The following ZNF571 variants were observed in gnomAD, a reference collection of about 807,000 sequenced individuals.
ZNF571 encodes zinc finger protein 571.
ZNF571 carries 4 observed loss-of-function variants against 7.7 expected under a neutral mutation model. The ratio of observed to expected loss-of-function variants is 0.52; its 90% confidence interval spans 0.25 to 1.18. The LOEUF (loss-of-function observed/expected upper bound fraction) is 1.18. Among genes scored for constraint, ZNF571 ranks in the 50% most tolerant of loss-of-function variants. ZNF571 has a pLI of 0.14. For synonymous variants in ZNF571, 251 were observed against 232.4 expected (o/e 1.08, Z -0.73); for missense variants, 704 against 726.9 (o/e 0.97, Z 0.36).
At position 37,565,267 on chromosome 19, in the gene ZNF571, A is replaced by C. The variant is rs1480639006; in HGVS notation, c.1161T>G (p.Gly387=). 1 of 1,611,346 alleles carries C rather than the reference A, an allele frequency of 6.2e-7. No homozygotes were observed. The highest frequency in any genetic ancestry group is 1.3e-5 in the African/African-American group (1 of 74,668). The change falls in exon 4 of 4, where the codon GGT becomes GGG. Residue 387 remains glycine (G), a synonymous_variant. Coordinates refer to ENST00000451802, the MANE Select transcript of ZNF571 (RefSeq NM_016536.5). ...QLTYHLRVHS[G]ERPYKCKECG... ...ATTCTTTGCATTTATAAGGTCTCTC[A>C]CCTGAATGAACTCTCAGGTGGTAAG...
In ZNF571 at chr19:37,581,856, AGGGTGAACCAGG is replaced by A. The variant is rs1177296677; in HGVS notation, c.136+2103_136+2114del. On this transcript the variant is annotated intron_variant, in intron 3 of 3. Transcript: ENST00000451802. ...TCACCCTGCAGTGGACAGGAGCTGC[AGGGTGAACCAGG>A]AGAATGGCAAAACTTCTCAAGAGGT... Among the ~76,000 whole-genome samples the A allele has an allele frequency of 3.7e-3, 556 of 151,956 alleles. 2 individuals carry two copies. The highest frequency in any genetic ancestry group is 3.4e-3 in the Non-Finnish European group (233 of 67,978).
intron 1 of ZNF571, among the ~76,000 whole-genome samples, chr19:37,588,955 T>C (rs970087361): frequency 1.2e-4 from 18 of 152,196 alleles, no homozygotes; most frequent in Admixed American, 1.1e-3. Context: ...ATCCCAGCAC[T>C]TTGGGAGGCT....
In ZNF571 at chr19:37,564,260, G is replaced by A. The variant is rs111316372; in HGVS notation, c.*338C>T. 5.6e-3 allele frequency: 970 copies of A among 174,084 alleles called. 11 individuals carry two copies. The highest frequency in any genetic ancestry group is 0.021 in the African/African-American group (908 of 42,412). The allele number at this position is 174,084 out of a possible 1,614,324, so 10.8% of individuals were successfully genotyped here. ...TTAACAACAAATATCAGATGCTATC[G>A]AAAGGGAATTATATGTATTTAATTA... On this transcript the variant is annotated 3_prime_UTR_variant, in exon 4 of 4. Coordinates refer to ENST00000451802, the MANE Select transcript of ZNF571 (RefSeq NM_016536.5).
intron 3 of ZNF571, among the ~76,000 whole-genome samples, chr19:37,581,790 A>G (rs557059928): frequency 1.4e-4 from 12 of 84,214 alleles, no homozygotes; most frequent in African/African-American, 3.3e-4. Context: ...TTCTCCTGTG[A>G]AAAAAAAACA....
chr19:37,565,511 G>A lies in ZNF571; in HGVS notation c.917C>T (p.Pro306Leu). The A allele has an allele frequency of 3.7e-6, 6 of 1,613,742 alleles. No individual in the cohort carries two copies. Among genetic ancestry groups the A allele is most frequent in the Non-Finnish European group, 4.2e-6 (5 of 1,179,868 alleles). ...CTTTCCACATTCCTTACACTCATAA[G>A]GTTTCTCACCACTATGAATTCTCTG... ...YHQRIHSGEK[P>L]YECKECGKAF... is the part of the protein sequence containing the mutation. Residue 306 changes from proline (P) to leucine (L), a missense_variant, in exon 4 of 4, where the codon CCT becomes CTT. Pro to Leu is a moderately conservative substitution (Grantham distance 98). Coordinates refer to ENST00000451802, the MANE Select transcript of ZNF571 (RefSeq NM_016536.5).
chr19:37,570,518 T>C (rs1391795180), intron 3 of ZNF571, among the ~76,000 whole-genome samples: 3 of 152,334 alleles, frequency 2.0e-5, no homozygotes, highest in Admixed American at 2.0e-4. Flanking sequence ...TCTACAAATA[T>C]TCCTAATCAT....
At chr19:37,585,836 T>C (rs1039537200) in intron 2 of ZNF571, 1 of 152,128 alleles carries the variant, frequency 6.6e-6, no homozygotes, top group Non-Finnish European at 1.5e-5. Context: ...TTGGGCCCAA[T>C]GTATTTGTAA....
intron 1 of ZNF571, among the ~76,000 whole-genome samples, chr19:37,592,643 CTGT>C (rs2043900958): frequency 6.6e-6 from 1 of 152,208 alleles, no homozygotes; most frequent in African/African-American, 2.4e-5. Flanking sequence ...GGACATCAGA[CTGT>C]AAGGGCCTCA....
chr19:37,590,755 CAAAAT>C (rs2043846290), intron 1 of ZNF571, among the ~76,000 whole-genome samples: 1 of 151,914 alleles, frequency 6.6e-6, no homozygotes, highest in Non-Finnish European at 1.5e-5. Flanking sequence ...AATATTATAT[CAAAAT>C]AAAAATTTTA....
chr19:37,593,823 G>A (rs1462614691), intron 1 of ZNF571, among the ~76,000 whole-genome samples: 1 of 152,164 alleles, frequency 6.6e-6, no homozygotes, highest in African/African-American at 2.4e-5. Context: ...CATCCCCGCA[G>A]CATCATTTAT....
intron 3 of ZNF571, among the ~76,000 whole-genome samples, chr19:37,568,801 A>G (rs1037159609): frequency 2.0e-5 from 3 of 152,192 alleles, no homozygotes; most frequent in Non-Finnish European, 4.4e-5. Flanking sequence ...AGGGGTGATG[A>G]GTGAAGACAA....
At position 37,566,292 on chromosome 19, in the gene ZNF571, C is replaced by A. The variant is rs1240259768; in HGVS notation, c.137-1G>T. ...TTGGTCACACAACTGGATTCCAAGT[C>A]TGTAGAATAAAAAGAAAGCAAATTC... is the stretch of plus-strand genomic sequence containing the variant. On this transcript the variant is annotated splice_acceptor_variant, in intron 3 of 3. Transcript: ENST00000451802. LOFTEE classifies it high-confidence loss of function. 2.0e-5 allele frequency: 32 copies of A among 1,584,054 alleles called. 1 individual carries two copies. The highest frequency in any genetic ancestry group is 1.3e-4 in the Admixed American group (7 of 53,534).
intron 3 of ZNF571, among the ~76,000 whole-genome samples, chr19:37,572,968 G>A (rs953289154): frequency 1.5e-4 from 23 of 152,066 alleles, no homozygotes; most frequent in African/African-American, 4.6e-4. Context: ...GTTAGACTAC[G>A]TCTCAATAAT....
chr19:37,583,811 G>T, intron 3 of ZNF571, 160 bp downstream of exon 3: 2 of 652,280 alleles, frequency 3.1e-6, no homozygotes, highest in Non-Finnish European at 5.2e-6. Flanking sequence ...AGATGTGACA[G>T]TCTAAAGGAT....
chr19:37,564,433 GATGTT>G lies in ZNF571; in HGVS notation c.*160_*164del. 2.0e-6 allele frequency: 1 copy of G among 494,510 alleles called. No individual in the cohort carries two copies. Among genetic ancestry groups the G allele is most frequent in the Non-Finnish European group, 3.4e-6 (1 of 296,054 alleles). The allele number at this position is 494,510 out of a possible 1,614,324, so 30.6% of individuals were successfully genotyped here. A position where few individuals can be genotyped will look rare whatever the true frequency, so the allele number is the denominator to read the frequency against. On this transcript the variant is annotated 3_prime_UTR_variant, in exon 4 of 4. Coordinates refer to ENST00000451802, the MANE Select transcript of ZNF571 (RefSeq NM_016536.5). The stretch of plus-strand genomic sequence containing the variant: ...AGCATTATATTCTAGCGTTTATAGA[GATGTT>G]AAGGAATTATTTAAGGGGTTTCTGA...
At chr19:37,567,897 C>T (rs1191294615) in intron 3 of ZNF571, 1 of 152,116 alleles carries the variant, frequency 6.6e-6, no homozygotes, top group African/African-American at 2.4e-5. Flanking sequence ...AGCTAGTCCC[C>T]AGAACACAGT....
intron 1 of ZNF571, among the ~76,000 whole-genome samples, chr19:37,593,475 G>A (rs1052511149): frequency 2.6e-5 from 4 of 152,118 alleles, no homozygotes; most frequent in Non-Finnish European, 4.4e-5. Context: ...AGGCCCAGGC[G>A]GGTGGATCAC....
intron 1 of ZNF571, among the ~76,000 whole-genome samples, chr19:37,591,504 A>C (rs2043866770): frequency 6.6e-6 from 1 of 152,240 alleles, no homozygotes. Context: ...AAATATATAA[A>C]GGGAAAGAAT....
At position 37,564,744 on chromosome 19, in the gene ZNF571, C is replaced by A. The variant is rs1474433820; in HGVS notation, c.1684G>T (p.Glu562Ter). ...CCACGACTAAAGGCCCTCCCACATT[C>A]CTTACATTCATAGGGTTTCTCTCCA... The part of the protein sequence containing the change: ...HTGEKPYECK[E>*]CGRAFSRGSE... Residue 562 changes from glutamate (E) to a stop codon, truncating the protein, a stop_gained, in exon 4 of 4, where the codon GAA becomes TAA. Coordinates refer to ENST00000451802, the MANE Select transcript of ZNF571 (RefSeq NM_016536.5). LOFTEE classifies it low-confidence loss of function (END_TRUNC). 6.2e-7 allele frequency: 1 copy of A among 1,613,608 alleles called. No individual in the cohort carries two copies. The highest frequency in any genetic ancestry group is 1.1e-5 in the South Asian group (1 of 91,082).
Sources: gnomAD v4.1 joint callset for allele counts (sites outside exome capture counted in the v4.1 genomes callset) on GRCh38, gnomAD v4.1.1 for gene constraint, MANE v1.5 for transcripts, NCBI Gene and HGNC (gene_info 2026-07-23, HGNC 2026-07-21) for gene names.